UGT2B4: variants seen among roughly 807,000 people sequenced by gnomAD.
UGT2B4 encodes UDP-glucuronosyltransferase 2B4.
UGT2B4 carries 49 observed loss-of-function variants against 49.8 expected under a neutral mutation model. The ratio of observed to expected loss-of-function variants is 0.98; its 90% CI spans 0.78 to 1.25. UGT2B4 has a LOEUF of 1.25. UGT2B4 is among the 50% of genes most tolerant of loss of function. The probability of loss-of-function intolerance (pLI) is 0.00; values close to 1 mark genes in which losing one functional copy is unlikely to be tolerated. For synonymous variants in UGT2B4, 246 were observed against 217.7 expected (o/e 1.13, Z -1.14); for missense variants, 729 against 627.7 (o/e 1.16, Z -1.73).
chr4:69,488,798 T>G (rs2109807925), intron 3 of UGT2B4, among the ~76,000 whole-genome samples: 1 of 152,196 alleles, frequency 6.6e-6, no homozygotes, highest in Non-Finnish European at 1.5e-5. Context: ...AGACATTGGC[T>G]GGGTCCAGTC....
At chr4:69,509,567 C>T (rs1040806759) in intron 1 of UGT2B4, among the ~76,000 whole-genome samples, 10 of 152,134 alleles carry the variant, frequency 6.6e-5, no homozygotes, top group Non-Finnish European at 1.3e-4. Flanking sequence ...TATATCATCA[C>T]GGTTCAGATT....
intron 2 of UGT2B4, among the ~76,000 whole-genome samples, chr4:69,491,403 G>A (rs1255587126): frequency 6.6e-6 from 1 of 151,718 alleles, no homozygotes; most frequent in African/African-American, 2.4e-5. Context: ...TGTACATCTT[G>A]ATTTATTTTT....
upstream of UGT2B4, among the ~76,000 whole-genome samples, chr4:69,499,693 T>C (rs1037994449): frequency 2.0e-5 from 3 of 152,216 alleles, no homozygotes; most frequent in African/African-American, 7.2e-5. Context: ...GACCTGCTTC[T>C]TTCTGCTTTC....
intron 1 of UGT2B4, among the ~76,000 whole-genome samples, chr4:69,513,745 A>C (rs553647428): frequency 1.3e-5 from 2 of 152,116 alleles, no homozygotes; most frequent in African/African-American, 4.8e-5. Context: ...TCTCTGATTT[A>C]TTTGAAGCAG....
At chr4:69,500,590 C>CAAGAAAAGAAAGCAAGA (rs1399741309), upstream of UGT2B4, among the ~76,000 whole-genome samples, 5 of 61,000 alleles carry the variant, frequency 8.2e-5, no homozygotes, top group African/African-American at 2.7e-4. Flanking sequence ...AGCAAGAAAG[C>CAAGAAAAGAAAGCAAGA]AAGCAAGAAA....
upstream of UGT2B4, among the ~76,000 whole-genome samples, chr4:69,499,000 AG>A (rs1193892112): frequency 6.6e-6 from 1 of 152,086 alleles, no homozygotes; most frequent in Non-Finnish European, 1.5e-5. Context: ...GTGGGAATTT[AG>A]TCCTTTAAAT....
intron 1 of UGT2B4, among the ~76,000 whole-genome samples, chr4:69,523,538 T>C (rs1728892523): frequency 7.6e-6 from 1 of 131,590 alleles, no homozygotes; most frequent in African/African-American, 2.8e-5. Flanking sequence ...CAGTAAATCA[T>C]GCTATAAACG....
At chr4:69,523,361 G>C (rs969763191) in intron 1 of UGT2B4, among the ~76,000 whole-genome samples, 1 of 152,006 alleles carries the variant, frequency 6.6e-6, no homozygotes, top group African/African-American at 2.4e-5. Flanking sequence ...TTGATCCATG[G>C]GTTGCAAAAT....
chr4:69,500,657 GAAA>G (rs1560438418), upstream of UGT2B4, among the ~76,000 whole-genome samples: 69 of 119,056 alleles, frequency 5.8e-4, no homozygotes, highest in African/African-American at 1.5e-3. Flanking sequence ...AAGAAAGAAA[GAAA>G]GAAAGAAAGG....
chr4:69,512,013 TTTTTA>T (rs748437468), intron 1 of UGT2B4, among the ~76,000 whole-genome samples: 26 of 152,086 alleles, frequency 1.7e-4, no homozygotes, highest in African/African-American at 6.0e-4. Context: ...CCTCTTTCAT[TTTTTA>T]TTTTATTTGA....
intron 2 of UGT2B4, among the ~76,000 whole-genome samples, chr4:69,490,276 T>C (rs866315410): frequency 7.2e-5 from 11 of 152,200 alleles, no homozygotes; most frequent in Admixed American, 2.0e-4. Context: ...GTACAGTATG[T>C]AGTTACATAG....
At chr4:69,505,026 C>T (rs1487882585) in intron 1 of UGT2B4, among the ~76,000 whole-genome samples, 1 of 152,092 alleles carries the variant, frequency 6.6e-6, no homozygotes. Context: ...CTGAAGGAAT[C>T]TGTTACCACC....
intron 1 of UGT2B4, chr4:69,518,103 A>G (rs1304907484): frequency 6.6e-6 from 1 of 152,262 alleles, no homozygotes; most frequent in African/African-American, 2.4e-5. Context: ...TTGACAAGAC[A>G]TTCAGGACTA....
At chr4:69,515,569 G>A (rs556632259) in intron 1 of UGT2B4, among the ~76,000 whole-genome samples, 4 of 152,188 alleles carry the variant, frequency 2.6e-5, no homozygotes, top group African/African-American at 7.2e-5. Flanking sequence ...AAAATCTCAA[G>A]TTAATAACCT....
intron 1 of UGT2B4, among the ~76,000 whole-genome samples, chr4:69,509,267 G>A (rs1230225314): frequency 6.8e-6 from 1 of 147,472 alleles, no homozygotes; most frequent in Non-Finnish European, 1.5e-5. Context: ...CGCCTCCCAG[G>A]CTGAAGCAAT....
At chr4:69,481,281 G>C (rs1416430226) in intron 5 of UGT2B4, among the ~76,000 whole-genome samples, 1 of 151,440 alleles carries the variant, frequency 6.6e-6, no homozygotes, top group African/African-American at 2.4e-5. Context: ...AAAAAGAGAA[G>C]GTAAGTTAAT....
chr4:69,522,538 T>G (rs1022304019), intron 1 of UGT2B4, among the ~76,000 whole-genome samples: 1 of 152,208 alleles, frequency 6.6e-6, no homozygotes, highest in African/African-American at 2.4e-5. Flanking sequence ...TAAAAAATAA[T>G]GTACACACCT....
At chr4:69,500,666 AAAG>A (rs1355027506), upstream of UGT2B4, among the ~76,000 whole-genome samples, 9 of 113,898 alleles carry the variant, frequency 7.9e-5, no homozygotes, top group African/African-American at 2.5e-4. Context: ...AGAAAGAAAG[AAAG>A]GAAGGAAAGA....
chr4:69,525,186 C>G (rs1194640279), intron 1 of UGT2B4, among the ~76,000 whole-genome samples: 1 of 152,134 alleles, frequency 6.6e-6, no homozygotes, highest in Non-Finnish European at 1.5e-5. Flanking sequence ...GCAATCAACT[C>G]TTGTTGCCAA....
Sources: allele counts gnomAD v4.1 joint callset (sites outside exome capture counted in the v4.1 genomes callset), GRCh38; gene constraint gnomAD v4.1.1; transcripts MANE v1.5; gene names NCBI Gene and HGNC (gene_info 2026-07-23, HGNC 2026-07-21).